ATP2B1: variants seen among roughly 807,000 people sequenced by gnomAD.
The protein encoded by ATP2B1 is ATPase plasma membrane Ca2+ transporting 1.
A neutral mutation model predicts 124.2 loss-of-function variants in ATP2B1; 14 were observed. That is an observed-to-expected ratio of 0.11 (90% confidence interval 0.07 to 0.18). The LOEUF is 0.18. Among genes scored for constraint, ATP2B1 ranks in the 10% least tolerant of loss-of-function variants. The pLI is 1.00. For synonymous variants in ATP2B1, 449 were observed against 492.4 expected (o/e 0.91, Z 1.17); for missense variants, 763 against 1,466.1 (o/e 0.52, Z 7.83).
chr12:89,671,611 G>T (rs562710474), intron 1 of ATP2B1, among the ~76,000 whole-genome samples: 143 of 152,226 alleles, frequency 9.4e-4, no homozygotes, highest in Admixed American at 3.4e-3. Context: ...TCTTTGAGAA[G>T]TTAAGAAAAG....
At chr12:89,614,928 T>TA (rs1878697345) in intron 12 of ATP2B1, among the ~76,000 whole-genome samples, 1 of 152,156 alleles carries the variant, frequency 6.6e-6, no homozygotes, top group Non-Finnish European at 1.5e-5. Context: ...TCCCTGCTTC[T>TA]ACTCTTCTTC....
chr12:89,681,497 C>G (rs1357944569), intron 1 of ATP2B1, among the ~76,000 whole-genome samples: 2 of 151,122 alleles, frequency 1.3e-5, no homozygotes, highest in Admixed American at 1.3e-4. Context: ...TCTCGTGCCT[C>G]AGCCTCCTGA....
intron 1 of ATP2B1, among the ~76,000 whole-genome samples, chr12:89,675,043 C>T (rs1408470654): frequency 1.3e-5 from 2 of 152,054 alleles, no homozygotes; most frequent in African/African-American, 2.4e-5. Flanking sequence ...TTCAGAAACT[C>T]GAGATATTAT....
chr12:89,661,449 T>A (rs2136422501), intron 1 of ATP2B1, among the ~76,000 whole-genome samples: 1 of 152,184 alleles, frequency 6.6e-6, no homozygotes, highest in East Asian at 1.9e-4. Flanking sequence ...CAAACACTCA[T>A]AATTGTCTAC....
chr12:89,635,283 A>G (rs750183517), intron 3 of ATP2B1, 32 bp from the exon 4 acceptor site: 1 of 1,596,580 alleles, frequency 6.3e-7, no homozygotes, highest in Non-Finnish European at 8.5e-7. Flanking sequence ...GCTTATCAAA[A>G]AGATTCTGAA....
chr12:89,620,001 T>G lies in ATP2B1; in HGVS notation c.1827A>C (p.Lys609Asn). 1 of 1,613,386 alleles carries G rather than the reference T, an allele frequency of 6.2e-7. No homozygotes were observed. The highest frequency in any genetic ancestry group is 8.5e-7 in the Non-Finnish European group (1 of 1,179,486). The change falls in exon 11 of 21, where the codon AAA becomes AAC. Residue 609 changes from lysine (K) to asparagine (N), a missense_variant and splice_region_variant. Lys to Asn is a moderately conservative substitution (Grantham distance 94). This residue lies in a region of ATP2B1 where 392 missense variants were observed against 776.6 expected (regional missense o/e 0.50). Coordinates refer to ENST00000428670, the MANE Select transcript of ATP2B1 (RefSeq NM_001366521.1). ...FSKGASEIIL[K>N]KCFKILSANG... Reference sequence around the variant, plus strand: ...TCATCCAAGCATTTTACTCTTACTTTTTCAGAATTATCTCAGATGCACCCT... The same window carrying G: ...TCATCCAAGCATTTTACTCTTACTTGTTCAGAATTATCTCAGATGCACCCT...
intron 1 of ATP2B1, among the ~76,000 whole-genome samples, chr12:89,700,663 C>A (rs1468833484): frequency 6.6e-6 from 1 of 152,274 alleles, no homozygotes; most frequent in East Asian, 1.9e-4. Flanking sequence ...TGATTCCATT[C>A]ATCTCTACCT....
chr12:89,608,316 G>A (rs1208102912), intron 15 of ATP2B1, among the ~76,000 whole-genome samples: 2 of 151,932 alleles, frequency 1.3e-5, no homozygotes, highest in Non-Finnish European at 2.9e-5. Flanking sequence ...TTACAGGCGC[G>A]ACCACCACAT....
intron 19 of ATP2B1, among the ~76,000 whole-genome samples, chr12:89,599,766 T>A (rs1473327063): frequency 6.6e-6 from 1 of 152,144 alleles, no homozygotes; most frequent in Non-Finnish European, 1.5e-5. Flanking sequence ...AATAGTTTTG[T>A]TACATATTTT....
At chr12:89,685,286 C>T (rs1889833798) in intron 1 of ATP2B1, among the ~76,000 whole-genome samples, 1 of 152,144 alleles carries the variant, frequency 6.6e-6, no homozygotes, top group South Asian at 2.1e-4. Flanking sequence ...CAAAGGATCT[C>T]TTCAACTCAC....
chr12:89,601,550 A>G, intron 18 of ATP2B1, 117 bp from the exon 19 acceptor site: 1 of 545,160 alleles, frequency 1.8e-6, no homozygotes, highest in South Asian at 3.4e-5. Flanking sequence ...ATTCTGATGA[A>G]TTGTATTATA....
At chr12:89,608,019 T>C (rs951741988) in intron 15 of ATP2B1, among the ~76,000 whole-genome samples, 2 of 151,996 alleles carry the variant, frequency 1.3e-5, no homozygotes, top group Non-Finnish European at 2.9e-5. Flanking sequence ...TCAACAGCGA[T>C]TTCTTGTAAC....
intron 1 of ATP2B1, among the ~76,000 whole-genome samples, chr12:89,669,472 T>TA (rs1887688582): frequency 6.6e-6 from 1 of 152,166 alleles, no homozygotes; most frequent in East Asian, 1.9e-4. Flanking sequence ...CACAGCTTCT[T>TA]AGATTTCCTC....
At chr12:89,647,053 T>G (rs1385255273) in intron 2 of ATP2B1, among the ~76,000 whole-genome samples, 1 of 152,208 alleles carries the variant, frequency 6.6e-6, no homozygotes, top group Non-Finnish European at 1.5e-5. Context: ...GTATGAGATA[T>G]AGCTAAGCTG....
rs529667021 is a variant in ATP2B1 at position 89,601,244 on chromosome 12, T to C, written c.3168+82A>G. 1.9e-4 allele frequency: 183 copies of C among 988,690 alleles called. 1 individual carries two copies. Among genetic ancestry groups the C allele is most frequent in the Middle Eastern group, 8.5e-4 (4 of 4,694 alleles). 61.2% of individuals were successfully genotyped at this position (988,690 alleles called of 1,614,324 possible). A position where few individuals can be genotyped will look rare whatever the true frequency, so the allele number is the denominator to read the frequency against. ...ACATTAACCATTTAGAATCAAGTAATGAAACTGTTAAAGAAAATACACACT... is the reference window on the plus strand; with the variant it reads ...ACATTAACCATTTAGAATCAAGTAACGAAACTGTTAAAGAAAATACACACT... On this transcript the variant is annotated intron_variant, in intron 19 of 20. Transcript: ENST00000428670.
At chr12:89,635,975 TAATACACAAA>T (rs1359600624) in intron 3 of ATP2B1, among the ~76,000 whole-genome samples, 2 of 152,088 alleles carry the variant, frequency 1.3e-5, no homozygotes, top group African/African-American at 2.4e-5. Context: ...ATTCAGATAA[TAATACACAAA>T]TAATTAATTT....
At chr12:89,659,095 C>T (rs139904885) in intron 1 of ATP2B1, among the ~76,000 whole-genome samples, 91 of 152,298 alleles carry the variant, frequency 6.0e-4, no homozygotes, top group African/African-American at 2.0e-3. Flanking sequence ...TTAGCTACAA[C>T]ATGACAATCA....
chr12:89,670,594 G>A (rs771406544), intron 1 of ATP2B1, among the ~76,000 whole-genome samples: 3 of 151,960 alleles, frequency 2.0e-5, no homozygotes, highest in Non-Finnish European at 4.4e-5. Flanking sequence ...GCATTACACT[G>A]AAATTCTAGT....
At chr12:89,647,697 A>G (rs1219666915) in intron 2 of ATP2B1, among the ~76,000 whole-genome samples, 1 of 152,222 alleles carries the variant, frequency 6.6e-6, no homozygotes, top group Non-Finnish European at 1.5e-5. Flanking sequence ...TCTGTGATAT[A>G]GTAAGGATGT....
Sources: allele counts gnomAD v4.1 joint callset (sites outside exome capture counted in the v4.1 genomes callset), GRCh38; gene constraint gnomAD v4.1.1; regional missense constraint gnomAD v4.1.1; transcripts MANE v1.5; gene names NCBI Gene and HGNC (gene_info 2026-07-23, HGNC 2026-07-21).